GRN: variants seen among roughly 807,000 people sequenced by gnomAD.
GRN encodes the protein granulin precursor.
In GRN, 30 loss-of-function variants were observed where a neutral mutation model predicts 66.7. The ratio of observed to expected loss-of-function variants is 0.45; its 90% CI spans 0.34 to 0.61. The LOEUF (loss-of-function observed/expected upper bound fraction) is 0.61. Among genes scored for constraint, GRN ranks in the 20% least tolerant of loss-of-function variants. The probability of loss-of-function intolerance (pLI) is 0.01; values close to 1 mark genes in which losing one functional copy is unlikely to be tolerated. For missense variants in GRN, 731 were observed against 803.5 expected (o/e 0.91, Z 1.09); for synonymous variants, 327 against 311.1 (o/e 1.05, Z -0.54).
At position 44,352,729 on chromosome 17, in the gene GRN, G is replaced by C. The variant is rs1383363877; in HGVS notation, c.1713G>C (p.Lys571Asn). ...AGFRCAARGT[K>N]CLRREAPRWD... is the part of the protein sequence containing the mutation. ...TCCGCTGCGCAGCCAGGGGTACCAA[G>C]TGTTTGCGCAGGGAGGCCCCGCGCT... is the stretch of plus-strand genomic sequence containing the variant. Residue 571 changes from lysine to asparagine, a missense_variant, in exon 13 of 13, where the codon AAG (lysine) becomes AAC (asparagine). By Grantham distance (94) the Lys-to-Asn change is moderately conservative. This residue lies in a region of GRN where 319 missense variants were observed against 347.2 expected (regional missense o/e 0.92). Coordinates refer to ENST00000053867, the MANE Select transcript of GRN (RefSeq NM_002087.4). The C allele has an allele frequency of 8.7e-6, 14 of 1,611,548 alleles. No individual in the cohort carries two copies. Among genetic ancestry groups the C allele is most frequent in the Non-Finnish European group, 1.1e-5 (13 of 1,180,002 alleles).
Position 44,351,792 on chromosome 17 carries a change from A to C in GRN, c.1176A>C (p.Pro392=), listed in dbSNP as rs63750448. The C allele has an allele frequency of 3.7e-6, 6 of 1,612,988 alleles. No individual in the cohort carries two copies. The highest frequency in any genetic ancestry group is 3.4e-6 in the Non-Finnish European group (4 of 1,179,856). The change falls in exon 10 of 13, where the codon CCA becomes CCC. Residue 392 remains proline (P), a synonymous_variant. Transcript: ENST00000053867. ...TSGEWGCCPI[P]EAVCCSDHQH... ...GGGAGTGGGGCTGCTGTCCAATCCC[A>C]GAGGTATATGGGAGGGGACAGCATC...
At chr17:44,352,635 CCTCT>C in intron 12 of GRN, 22 bp from the exon 13 acceptor site, 14 of 1,610,248 alleles carry the variant, frequency 8.7e-6, no homozygotes, top group Non-Finnish European at 1.2e-5. Context: ...CTCGTCCAAC[CCTCT>C]CGCCCCCCTC....
intron 1 of GRN, among the ~76,000 whole-genome samples, chr17:44,347,447 C>A (rs1304203781): frequency 6.6e-6 from 1 of 151,886 alleles, no homozygotes; most frequent in African/African-American, 2.4e-5. Context: ...CGCTACCACG[C>A]ATGGCTAATT....
At chr17:44,349,611 T>C (rs984304821) in intron 3 of GRN, 56 bp from the exon 4 acceptor site, 1 of 1,611,462 alleles carries the variant, frequency 6.2e-7, no homozygotes, top group African/African-American at 1.3e-5. Flanking sequence ...TTTCCTGCAC[T>C]CTACCACCTG....
At chr17:44,348,582 C>A (rs2048342543) in intron 1 of GRN, among the ~76,000 whole-genome samples, 1 of 152,230 alleles carries the variant, frequency 6.6e-6, no homozygotes, top group South Asian at 2.1e-4. Flanking sequence ...ACTCCACTGG[C>A]CACCATATTT....
chr17:44,352,132 CG>C lies in GRN; in HGVS notation c.1300del (p.Ala434LeufsTer57), dbSNP rs1567888166. The part of the protein sequence containing the change: ...VAGLEKMPAR[R>X]ASLSHPRDIG... ...TGGACTGGAGAAGATGCCTGCCCGCCGGGCTTCCTTATCCCACCCCAGAGAC... is the reference window on the plus strand; with the variant it reads ...TGGACTGGAGAAGATGCCTGCCCGCCGGCTTCCTTATCCCACCCCAGAGAC... On this transcript the variant is annotated frameshift_variant, in exon 11 of 13. Coordinates refer to ENST00000053867, the MANE Select transcript of GRN (RefSeq NM_002087.4). LOFTEE classifies it high-confidence loss of function. The C allele has an allele frequency of 1.9e-6, 3 of 1,613,822 alleles. No individual in the cohort carries two copies. The highest frequency in any genetic ancestry group is 2.5e-6 in the Non-Finnish European group (3 of 1,179,928).
chr17:44,348,915 A>G (rs2048345091), intron 1 of GRN, among the ~76,000 whole-genome samples: 1 of 152,254 alleles, frequency 6.6e-6, no homozygotes, highest in Non-Finnish European at 1.5e-5. Context: ...ACCCACACAT[A>G]TACGCATGTC....
Position 44,352,539 on chromosome 17 carries a change from C to A in GRN, c.1612C>A (p.Arg538=). ...TAACCAGACCTGCTGCCGAGACAAC[C>A]GACAGGGCTGGGCCTGCTGTCCCTA... ...HDNQTCCRDN[R]QGWACCPYRQ... Residue 538 remains arginine (R), a synonymous_variant, in exon 12 of 13, where the codon CGA becomes AGA. Transcript: ENST00000053867. 1 of 1,613,626 alleles carries A rather than the reference C, an allele frequency of 6.2e-7. No individual in the cohort carries two copies.
At chr17:44,346,326 G>C (rs893154173) in intron 1 of GRN, 5 of 152,422 alleles carry the variant, frequency 3.3e-5, no homozygotes, top group African/African-American at 9.7e-5. Context: ...TCTTGGGGAT[G>C]CTGAGTTAGG....
Position 44,349,452 on chromosome 17 carries a change from G to A in GRN, c.165G>A (p.Arg55=). 1 of 1,614,218 alleles carries A rather than the reference G, an allele frequency of 6.2e-7. No homozygotes were observed. Among genetic ancestry groups the A allele is most frequent in the Non-Finnish European group, 8.5e-7 (1 of 1,180,030 alleles). Residue 55 remains arginine, a synonymous_variant, in exon 3 of 13, where the codon AGG becomes AGA. Transcript: ENST00000053867. ...LLDKWPTTLS[R]HLGGPCQVDA... The stretch of plus-strand genomic sequence containing the variant: ...ACAAATGGCCCACAACACTGAGCAG[G>A]CATCTGGGTGGCCCCTGCCAGGTTG...
In GRN at chr17:44,350,735, T is replaced by C. The variant is rs1201429668; in HGVS notation, c.643T>C (p.Cys215Arg). 1.9e-6 allele frequency: 3 copies of C among 1,614,016 alleles called. No homozygotes were observed. The highest frequency in any genetic ancestry group is 1.7e-6 in the Non-Finnish European group (2 of 1,180,000). ...CATGTGTCCGGACGCACGGTCCCGG[T>C]GCCCTGATGGTTCTACCTGCTGTGA... Reference protein sequence around the residue: ...SVMCPDARSRCPDGSTCCELP... With the variant: ...SVMCPDARSRRPDGSTCCELP... The change falls in exon 7 of 13, where the codon TGC becomes CGC. Residue 215 changes from cysteine to arginine, a missense_variant. Coordinates refer to ENST00000053867, the MANE Select transcript of GRN (RefSeq NM_002087.4).
chr17:44,349,666 G>A lies in GRN; in HGVS notation c.265-1G>A, dbSNP rs1178332019. ...AATGCAGGTTTCTCTGTGTTCCACA[G>A]GCCGTGGCATGCGGGGATGGCCATC... is the stretch of plus-strand genomic sequence containing the variant. On this transcript the variant is annotated splice_acceptor_variant, in intron 3 of 12. Coordinates refer to ENST00000053867, the MANE Select transcript of GRN (RefSeq NM_002087.4). LOFTEE classifies it high-confidence loss of function. 6.2e-7 allele frequency: 1 copy of A among 1,612,474 alleles called. No individual in the cohort carries two copies. The highest frequency in any genetic ancestry group is 1.3e-5 in the African/African-American group (1 of 74,916).
intron 4 of GRN, 51 bp downstream of exon 4, chr17:44,349,802 C>T (rs2048355179): frequency 7.8e-7 from 1 of 1,285,524 alleles, no homozygotes. Context: ...CATGTGGAGT[C>T]TGGAACCCAG....
rs63750744 is a variant in GRN, at chr17:44,350,800, C to A, written c.708C>A (p.Asn236Lys). The A allele has an allele frequency of 1.2e-6, 2 of 1,606,050 alleles. No individual in the cohort carries two copies. The highest frequency in any genetic ancestry group is 4.5e-5 in the East Asian group (2 of 44,846). Residue 236 changes from asparagine (N) to lysine (K), a missense_variant and splice_region_variant, in exon 7 of 13, where the codon AAC becomes AAA. This residue lies in a region of GRN where 370 missense variants were observed against 379.8 expected (regional missense o/e 0.97). Transcript: ENST00000053867. ...SGKYGCCPMPNATCCSDHLHC... is the reference protein window; with the variant it reads ...SGKYGCCPMPKATCCSDHLHC... ...AGTATGGCTGCTGCCCAATGCCCAA[C>A]GTGAGTGAGGGGCTGGAGCCAGCTT... is the stretch of plus-strand genomic sequence containing the variant.
chr17:44,348,295 A>C (rs975204490), intron 1 of GRN, among the ~76,000 whole-genome samples: 2 of 152,196 alleles, frequency 1.3e-5, no homozygotes, highest in Non-Finnish European at 2.9e-5. Context: ...GCTGCTCTCC[A>C]CAGAGACTCA....
chr17:44,351,257 C>A, intron 8 of GRN, 94 bp downstream of exon 8: 2 of 1,550,074 alleles, frequency 1.3e-6, no homozygotes, highest in Non-Finnish European at 1.8e-6. Context: ...GTAAGCGGTA[C>A]CCTCCATCTT....
At chr17:44,350,892 C>T (rs543386892) in intron 7 of GRN, 92 bp downstream of exon 7, 2 of 1,407,644 alleles carry the variant, frequency 1.4e-6, no homozygotes, top group East Asian at 2.3e-5. Flanking sequence ...ATGGGGCTGG[C>T]TGGCTGCTTG....
chr17:44,350,523 A>C lies in GRN; in HGVS notation c.544A>C (p.Thr182Pro). The C allele has an allele frequency of 6.2e-7, 1 of 1,613,932 alleles. No homozygotes were observed. Among genetic ancestry groups the C allele is most frequent in the Non-Finnish European group, 8.5e-7 (1 of 1,179,936 alleles). ...GGTTCACACCCGCTGCATCACACCC[A>C]CGGGCACCCACCCCCTGGCAAAGAA... ...DLVHTRCITP[T>P]GTHPLAKKLP... Residue 182 changes from threonine to proline, a missense_variant, in exon 6 of 13, where the codon ACG becomes CCG. Physicochemically the swap from Thr to Pro is conservative, Grantham distance 38. Coordinates refer to ENST00000053867, the MANE Select transcript of GRN (RefSeq NM_002087.4).
intron 1 of GRN, among the ~76,000 whole-genome samples, chr17:44,347,490 C>T (rs1051395537): frequency 6.6e-6 from 1 of 151,758 alleles, no homozygotes; most frequent in South Asian, 2.1e-4. Flanking sequence ...GGTTTTACCA[C>T]GTTGGTCAGG....
Sources: gnomAD v4.1 joint callset for allele counts (sites outside exome capture counted in the v4.1 genomes callset) on GRCh38, gnomAD v4.1.1 for gene constraint, gnomAD v4.1.1 regional missense constraint, MANE v1.5 for transcripts, NCBI Gene and HGNC (gene_info 2026-07-23, HGNC 2026-07-21) for gene names.